The following USP43 variants were observed in gnomAD, a reference collection of about 807,000 sequenced individuals.
USP43 encodes the protein ubiquitin specific peptidase 43.
USP43 carries 33 observed loss-of-function variants against 90.7 expected under a neutral mutation model. That is an observed-to-expected ratio of 0.36 (90% confidence interval 0.28 to 0.49). USP43 has a LOEUF of 0.49. USP43 is among the 20% of genes least tolerant of loss of function. USP43 has a pLI of 0.98. For missense variants in USP43, 1,274 were observed against 1,476.4 expected (o/e 0.86, Z 2.25); for synonymous variants, 598 against 615.8 (o/e 0.97, Z 0.43).
intron 1 of USP43, among the ~76,000 whole-genome samples, chr17:9,648,238 G>A (rs1911594856): frequency 2.0e-5 from 3 of 152,234 alleles, no homozygotes; most frequent in Non-Finnish European, 4.4e-5. Flanking sequence ...GCTTTGGAGG[G>A]AGGAGTGGAG....
chr17:9,694,339 G>A (rs1483522425), intron 9 of USP43, among the ~76,000 whole-genome samples: 1 of 152,162 alleles, frequency 6.6e-6, no homozygotes, highest in Non-Finnish European at 1.5e-5. Flanking sequence ...AGGAAGGCAG[G>A]AGAAGGGTCA....
chr17:9,726,035 T>A (rs1001982882), intron 14 of USP43, among the ~76,000 whole-genome samples: 2 of 152,194 alleles, frequency 1.3e-5, no homozygotes, highest in African/African-American at 4.8e-5. Context: ...GACTGGCTAA[T>A]CTAAAGAAAT....
At chr17:9,669,364 T>C (rs1364317127) in intron 3 of USP43, among the ~76,000 whole-genome samples, 1 of 152,212 alleles carries the variant, frequency 6.6e-6, no homozygotes, top group Non-Finnish European at 1.5e-5. Flanking sequence ...TATTTCTCTA[T>C]TCATTTCCCC....
In USP43 at chr17:9,680,375, G is replaced by C. The variant is rs758458453; in HGVS notation, c.1105+9G>C. 6.2e-7 allele frequency: 1 copy of C among 1,613,224 alleles called. No homozygotes were observed. The highest frequency in any genetic ancestry group is 1.1e-5 in the South Asian group (1 of 90,994). ...CCAGGGGACTCTCTCAGGTATAACA[G>C]GTGCTTTGCACAATTTTATTTGGCT... On this transcript the variant is annotated intron_variant, in intron 6 of 14. Transcript: ENST00000285199.
At chr17:9,664,255 G>A (rs987850950) in intron 2 of USP43, among the ~76,000 whole-genome samples, 3 of 151,948 alleles carry the variant, frequency 2.0e-5, no homozygotes, top group Non-Finnish European at 2.9e-5. Context: ...GCTTTATCAC[G>A]CATTTACCCA....
chr17:9,674,774 A>T lies in USP43; in HGVS notation c.741-117A>T, dbSNP rs1192715484. 1.2e-6 allele frequency: 1 copy of T among 815,444 alleles called. No homozygotes were observed. The highest frequency in any genetic ancestry group is 1.8e-5 in the Admixed American group (1 of 55,030). 50.5% of individuals were successfully genotyped at this position (815,444 alleles called of 1,614,324 possible). ...ACACCTGTTCTCAATTCTTCTGGGT[A>T]TGTACCTACGAGTGGAATCACAGGG... On this transcript the variant is annotated intron_variant, in intron 3 of 14. Coordinates refer to ENST00000285199, the MANE Select transcript of USP43 (RefSeq NM_153210.5). The surrounding 1 kb of genome is among the most constrained non-coding windows in gnomAD (Gnocchi z 4.4).
rs116589694 is a variant in USP43, at chr17:9,652,311, T to C, written c.505-4092T>C. On this transcript the variant is annotated intron_variant, in intron 1 of 14. Coordinates refer to ENST00000285199, the MANE Select transcript of USP43 (RefSeq NM_153210.5). ...ATTCTTCCCAAGCTAGTTAACTGTT[T>C]GGGAACTGCTTTGTGCAGTTCTAGT... 6.2e-3 allele frequency among the ~76,000 whole-genome samples: 939 copies of C among 150,886 alleles called. 8 individuals are homozygous for C. Among genetic ancestry groups the C allele is most frequent in the African/African-American group, 0.021 (886 of 41,272 alleles).
intron 5 of USP43, among the ~76,000 whole-genome samples, chr17:9,678,315 G>A (rs562261001): frequency 6.6e-6 from 1 of 152,224 alleles, no homozygotes; most frequent in East Asian, 1.9e-4. Flanking sequence ...TTATATTTAT[G>A]TTATATAAAA....
chr17:9,655,112 C>G (rs990777338), intron 1 of USP43, among the ~76,000 whole-genome samples: 1 of 123,844 alleles, frequency 8.1e-6, no homozygotes, highest in Admixed American at 8.3e-5. Context: ...AAAAAAAAAG[C>G]CCAGACTGCC....
intron 5 of USP43, among the ~76,000 whole-genome samples, chr17:9,679,349 A>G (rs1051345679): frequency 1.5e-4 from 22 of 149,238 alleles, no homozygotes; most frequent in Non-Finnish European, 1.0e-4. Flanking sequence ...CTACAGGCTC[A>G]TGCCACCATG....
In USP43 at chr17:9,645,755, CG is replaced by C. The variant is rs1445137257; in HGVS notation, c.127del (p.Asp43ThrfsTer61). 1.4e-6 allele frequency: 2 copies of C among 1,397,144 alleles called. No individual in the cohort carries two copies. Among genetic ancestry groups the C allele is most frequent in the Admixed American group, 3.4e-5 (1 of 29,468 alleles). 86.5% of individuals were successfully genotyped at this position (1,397,144 alleles called of 1,614,324 possible). ...LLALGSRSRP[G>X]DSPPRPQPGH... ...TGGCGCTGGGCAGCCGCTCACGCCC[CG>C]GGGACTCACCGCCCCGGCCCCAGCC... On this transcript the variant is annotated frameshift_variant, in exon 1 of 15. Transcript: ENST00000285199. LOFTEE classifies it high-confidence loss of function. The surrounding 1 kb of genome is among the most constrained non-coding windows in gnomAD (Gnocchi z 6.8).
At chr17:9,650,441 C>T (rs770371848) in intron 1 of USP43, among the ~76,000 whole-genome samples, 4 of 152,048 alleles carry the variant, frequency 2.6e-5, no homozygotes, top group Admixed American at 6.6e-5. Context: ...CTCACTCTGT[C>T]GCCCAGGCTG....
chr17:9,700,355 A>G, intron 10 of USP43, 106 bp downstream of exon 10: 1 of 1,102,854 alleles, frequency 9.1e-7, no homozygotes, highest in Non-Finnish European at 1.3e-6. Context: ...CAGGGTGCAC[A>G]CATCTTTGAG....
Position 9,645,627 on chromosome 17 carries a change from G to A in USP43, c.-6G>A. Reference sequence around the variant, plus strand: ...CTCCGCGCCTGGAGCTGCGCCGGCGGCAGCCATGGACCTGGGCCCCGGGGA... The same window carrying A: ...CTCCGCGCCTGGAGCTGCGCCGGCGACAGCCATGGACCTGGGCCCCGGGGA... On this transcript the variant is annotated 5_prime_UTR_variant, in exon 1 of 15. Transcript: ENST00000285199. This position sits in a 1 kb window ranked among gnomAD's most constrained non-coding sequence, Gnocchi z 6.8. 2.5e-6 allele frequency: 3 copies of A among 1,198,222 alleles called. No individual in the cohort carries two copies. The allele number at this position is 1,198,222 out of a possible 1,614,324, so 74.2% of individuals were successfully genotyped here.
intron 6 of USP43, among the ~76,000 whole-genome samples, chr17:9,681,465 TATATATATATATATATATATATATATATA>T (rs1914259710): frequency 1.1e-4 from 8 of 73,032 alleles, no homozygotes; most frequent in Admixed American, 2.1e-4. Flanking sequence ...AAATATATTA[TATATATATATATATATATATATATATATA>T]TATATATATA....
chr17:9,673,894 A>T (rs543961109), intron 3 of USP43, among the ~76,000 whole-genome samples: 1 of 152,198 alleles, frequency 6.6e-6, no homozygotes, highest in African/African-American at 2.4e-5. Flanking sequence ...TTAAGGAGCT[A>T]TTTCTTATGG....
chr17:9,673,751 T>G (rs1913591112), intron 3 of USP43, among the ~76,000 whole-genome samples: 1 of 152,224 alleles, frequency 6.6e-6, no homozygotes. Context: ...TTAACCTCTG[T>G]GTGCTTCAGA....
chr17:9,677,610 A>G (rs1913870773), intron 5 of USP43, among the ~76,000 whole-genome samples: 1 of 152,238 alleles, frequency 6.6e-6, no homozygotes, highest in Non-Finnish European at 1.5e-5. Context: ...GCGCCAAGCC[A>G]CATGGCAGGA....
chr17:9,725,145 G>A (rs1014430492), intron 14 of USP43, among the ~76,000 whole-genome samples: 1 of 152,204 alleles, frequency 6.6e-6, no homozygotes, highest in Non-Finnish European at 1.5e-5. Context: ...AGGGGACTGA[G>A]CCTGTCAGCT....
Sources: gnomAD v4.1 joint callset for allele counts (sites outside exome capture counted in the v4.1 genomes callset) on GRCh38, gnomAD v4.1.1 for gene constraint, Gnocchi (gnomAD v3.1) non-coding constraint, MANE v1.5 for transcripts, NCBI Gene and HGNC (gene_info 2026-07-23, HGNC 2026-07-21) for gene names.